MNAT1: variants seen among roughly 807,000 people sequenced by gnomAD.
The protein encoded by MNAT1 is CDK-activating kinase assembly factor MAT1.
A neutral mutation model predicts 42.0 loss-of-function variants in MNAT1; 43 were observed. That is an observed-to-expected ratio of 1.02 (90% confidence interval 0.80 to 1.32). MNAT1 has a LOEUF of 1.32. Ranked by LOEUF, MNAT1 falls within the 40% of genes most tolerant of loss-of-function variation. The probability of loss-of-function intolerance (pLI) is 0.00; values close to 1 mark genes in which losing one functional copy is unlikely to be tolerated. For synonymous variants in MNAT1, 118 were observed against 120.0 expected, an observed-to-expected ratio of 0.98 and a Z score of 0.11; for missense variants, 306 against 350.4, an observed-to-expected ratio of 0.87 and a Z score of 1.01.
intron 7 of MNAT1, among the ~76,000 whole-genome samples, chr14:60,933,442 G>A (rs557063602): frequency 2.0e-5 from 3 of 152,154 alleles, no homozygotes; most frequent in Admixed American, 2.0e-4. Flanking sequence ...ACAAAGTAGC[G>A]GGTAAGATGT....
chr14:60,910,544 G>A (rs868073818), intron 7 of MNAT1, among the ~76,000 whole-genome samples: 23 of 152,268 alleles, frequency 1.5e-4, no homozygotes, highest in Middle Eastern at 3.4e-3. Flanking sequence ...AAGCATTGTC[G>A]AATTTTGTCA....
At chr14:60,875,606 C>T (rs1018329821) in intron 6 of MNAT1, among the ~76,000 whole-genome samples, 2 of 152,028 alleles carry the variant, frequency 1.3e-5, no homozygotes, top group Admixed American at 1.3e-4. Flanking sequence ...GATATACATA[C>T]AAAACCCTTT....
chr14:60,795,239 C>T (rs2031975400), intron 1 of MNAT1, among the ~76,000 whole-genome samples: 1 of 152,184 alleles, frequency 6.6e-6, no homozygotes, highest in Non-Finnish European at 1.5e-5. Flanking sequence ...GCAGCCTATA[C>T]CCTCAAGACT....
intron 7 of MNAT1, among the ~76,000 whole-genome samples, chr14:60,940,404 C>G (rs192446028): frequency 2.4e-4 from 36 of 152,248 alleles, no homozygotes; most frequent in African/African-American, 7.9e-4. Context: ...ATTTGGCTGT[C>G]TCAAAGCTTT....
chr14:60,953,172 A>G (rs1160992560), intron 7 of MNAT1, among the ~76,000 whole-genome samples: 1 of 152,196 alleles, frequency 6.6e-6, no homozygotes, highest in Admixed American at 6.5e-5. Context: ...TTATAAGGGT[A>G]TACATAGTAT....
intron 7 of MNAT1, among the ~76,000 whole-genome samples, chr14:60,935,269 C>G (rs1346251332): frequency 6.6e-6 from 1 of 151,754 alleles, no homozygotes; most frequent in Non-Finnish European, 1.5e-5. Flanking sequence ...CTCCCCCTCT[C>G]TTTTTTTTCT....
chr14:60,967,723 C>A (rs1030765727), intron 7 of MNAT1, among the ~76,000 whole-genome samples: 22 of 152,166 alleles, frequency 1.4e-4, no homozygotes, highest in South Asian at 2.1e-4. Context: ...AGGAATGAGA[C>A]AATATATTCT....
intron 7 of MNAT1, among the ~76,000 whole-genome samples, chr14:60,962,514 C>G (rs541543430): frequency 1.3e-5 from 2 of 152,226 alleles, no homozygotes; most frequent in East Asian, 3.9e-4. Context: ...TCTGTGTGTT[C>G]TATAGTTCAC....
rs550829219 is a variant in MNAT1 at position 60,863,817 on chromosome 14, A to G, written c.688-15897A>G. ...CATAAAACATGTCTCTTAATTATGAAGAGTGATTTGTTAAAGTACAATAAA... is the reference window on the plus strand; with the variant it reads ...CATAAAACATGTCTCTTAATTATGAGGAGTGATTTGTTAAAGTACAATAAA... On this transcript the variant is annotated intron_variant, in intron 6 of 7. Transcript: ENST00000261245. Among the ~76,000 whole-genome samples the G allele has an allele frequency of 2.0e-5, 3 of 152,144 alleles. No individual in the cohort carries two copies. In the South Asian group the frequency reaches 6.2e-4, roughly 32 times the overall value.
Position 60,842,896 on chromosome 14 carries a change from T to C in MNAT1, c.687+24049T>C, listed in dbSNP as rs79929420. The stretch of plus-strand genomic sequence containing the variant: ...CCCAGCATCATGAGAGAGCATCCTA[T>C]TGCATGTTGCTAGCCCAGGAAAAGA... On this transcript the variant is annotated intron_variant, in intron 6 of 7. Coordinates refer to ENST00000261245, the MANE Select transcript of MNAT1 (RefSeq NM_002431.4). Among the ~76,000 whole-genome samples, 1,499 of 152,298 alleles carry C rather than the reference T, an allele frequency of 9.8e-3. 19 individuals carry two copies. The highest frequency in any genetic ancestry group is 0.033 in the African/African-American group (1,386 of 41,564).
chr14:60,834,983 TGCTCCCG>T (rs2033345449), intron 6 of MNAT1, among the ~76,000 whole-genome samples: 3 of 109,480 alleles, frequency 2.7e-5, no homozygotes, highest in African/African-American at 6.2e-5. Flanking sequence ...CTTCCTACCT[TGCTCCCG>T]CCCTCCCTCC....
At chr14:60,769,413 A>C (rs1056388587) in intron 1 of MNAT1, among the ~76,000 whole-genome samples, 2 of 152,132 alleles carry the variant, frequency 1.3e-5, no homozygotes, top group East Asian at 3.8e-4. Flanking sequence ...CTGGGACCAC[A>C]GGCATATGCC....
chr14:60,778,557 A>G (rs554657456), intron 1 of MNAT1, among the ~76,000 whole-genome samples: 2 of 152,278 alleles, frequency 1.3e-5, no homozygotes, highest in African/African-American at 2.4e-5. Context: ...AGCCAGCACC[A>G]CTATCTGAGG....
chr14:60,912,196 A>C (rs2035386895), intron 7 of MNAT1, among the ~76,000 whole-genome samples: 1 of 151,652 alleles, frequency 6.6e-6, no homozygotes, highest in Non-Finnish European at 1.5e-5. Context: ...CCATCCCTTT[A>C]TTTTGAGCCT....
intron 1 of MNAT1, among the ~76,000 whole-genome samples, chr14:60,754,424 T>C (rs930259585): frequency 1.3e-5 from 2 of 151,024 alleles, no homozygotes; most frequent in Admixed American, 6.6e-5. Context: ...CTTGGCTCAC[T>C]GCAACCTCCG....
intron 6 of MNAT1, among the ~76,000 whole-genome samples, chr14:60,868,286 A>G (rs2034249534): frequency 6.6e-6 from 1 of 152,194 alleles, no homozygotes; most frequent in Non-Finnish European, 1.5e-5. Context: ...ACATATTTAA[A>G]TTATTAGAAC....
intron 6 of MNAT1, among the ~76,000 whole-genome samples, chr14:60,875,280 A>G (rs1458611560): frequency 1.3e-5 from 2 of 152,130 alleles, no homozygotes; most frequent in African/African-American, 2.4e-5. Context: ...TAGGATATTA[A>G]AAGGCAGTGT....
intron 1 of MNAT1, among the ~76,000 whole-genome samples, chr14:60,763,251 GA>G (rs2030684289): frequency 6.6e-6 from 1 of 152,126 alleles, no homozygotes; most frequent in Non-Finnish European, 1.5e-5. Context: ...ATTTATAGAT[GA>G]AATGGCCATT....
intron 4 of MNAT1, 145 bp from the exon 5 acceptor site, chr14:60,811,842 T>G: frequency 1.9e-6 from 1 of 538,574 alleles, no homozygotes; most frequent in Non-Finnish European, 3.1e-6. Context: ...TAAATTCTAT[T>G]TTCTTCAATA....
Sources: allele counts gnomAD v4.1 joint callset (sites outside exome capture counted in the v4.1 genomes callset), GRCh38; gene constraint gnomAD v4.1.1; transcripts MANE v1.5; gene names NCBI Gene and HGNC (gene_info 2026-07-23, HGNC 2026-07-21).